Variants in TNFRSF1B observed in about 807,000 individuals in gnomAD.
TNFRSF1B encodes the protein tumor necrosis factor receptor superfamily member 1B.
In TNFRSF1B, 19 loss-of-function variants were observed where a neutral mutation model predicts 44.6. The observed-to-expected ratio is 0.43, with a 90% CI of 0.30 to 0.62. The LOEUF (loss-of-function observed/expected upper bound fraction) is 0.62, where lower values mean the gene tolerates loss of function less well. Among genes scored for constraint, TNFRSF1B ranks in the 20% least tolerant of loss-of-function variants. TNFRSF1B has a pLI of 0.16. For synonymous variants in TNFRSF1B, 252 were observed against 261.1 expected (o/e 0.97, Z 0.34); for missense variants, 541 against 619.9 (o/e 0.87, Z 1.35).
chr1:12,167,062 G>T lies in TNFRSF1B; in HGVS notation c.-30G>T. ...GCTGCGAGGGCGCGAGGGCGCGAGG[G>T]CAGGGGGCAACCGGACCCCGCCCGC... On this transcript the variant is annotated 5_prime_UTR_variant, in exon 1 of 10. Transcript: ENST00000376259. 7.8e-7 allele frequency: 1 copy of T among 1,281,712 alleles called. No homozygotes were observed. The highest frequency in any genetic ancestry group is 3.2e-5 in the East Asian group (1 of 31,102). 79.4% of individuals were successfully genotyped at this position (1,281,712 alleles called of 1,614,324 possible).
At chr1:12,175,129 C>T (rs893759203) in intron 1 of TNFRSF1B, among the ~76,000 whole-genome samples, 8 of 152,148 alleles carry the variant, frequency 5.3e-5, no homozygotes, top group African/African-American at 1.9e-4. Context: ...AGGACATCTT[C>T]CGAGCTGTCA....
In TNFRSF1B at chr1:12,194,638, T is replaced by C. The variant is rs372936982; in HGVS notation, c.900+20T>C. ...AAGGTGGTGAGTGTCTCCACTGCCC[T>C]CTCCCCCTCTTCCCCTGGTCTCCTT... On this transcript the variant is annotated intron_variant, in intron 8 of 9. Coordinates refer to ENST00000376259, the MANE Select transcript of TNFRSF1B (RefSeq NM_001066.3). 38 of 1,613,838 alleles carry C rather than the reference T, an allele frequency of 2.4e-5. No homozygotes were observed. In the East Asian group the frequency reaches 8.5e-4, roughly 36 times the overall value.
At position 12,177,921 on chromosome 1, in the gene TNFRSF1B, C is replaced by T. The variant is rs17885967; in HGVS notation, c.78+10752C>T. 0.03 allele frequency among the ~76,000 whole-genome samples: 4,595 copies of T among 152,278 alleles called. 66 individuals carry two copies. Among genetic ancestry groups the T allele is most frequent in the African/African-American group, 0.038 (1,584 of 41,536 alleles). The stretch of plus-strand genomic sequence containing the variant: ...CAGCTACCTGGGGGCAGGGGAACAT[C>T]ATCCCCATTTTACAGAAGAGGCCTT... On this transcript the variant is annotated intron_variant, in intron 1 of 9. Coordinates refer to ENST00000376259, the MANE Select transcript of TNFRSF1B (RefSeq NM_001066.3). The surrounding 1 kb of genome is among the most constrained non-coding windows in gnomAD (Gnocchi z 4.3).
rs1638522468 is a variant in TNFRSF1B at position 12,171,473 on chromosome 1, C to G, written c.78+4304C>G. 6.6e-6 allele frequency among the ~76,000 whole-genome samples: 1 copy of G among 152,228 alleles called. No homozygotes were observed. Among genetic ancestry groups the G allele is most frequent in the African/African-American group, 2.4e-5 (1 of 41,452 alleles). The stretch of plus-strand genomic sequence containing the variant: ...CTTCCTTCTGCTGAAGTAGACAATC[C>G]TGCCTGTAGGTGCTCCCTGCCAGGC... On this transcript the variant is annotated intron_variant, in intron 1 of 9. Coordinates refer to ENST00000376259, the MANE Select transcript of TNFRSF1B (RefSeq NM_001066.3). This position sits in a 1 kb window ranked among gnomAD's most constrained non-coding sequence, Gnocchi z 4.5.
At chr1:12,197,822 T>C (rs1639298297) in intron 8 of TNFRSF1B, among the ~76,000 whole-genome samples, 1 of 152,160 alleles carries the variant, frequency 6.6e-6, no homozygotes, top group Non-Finnish European at 1.5e-5. Context: ...GGCGTTCCTT[T>C]GTTTAGAAAA....
At position 12,180,719 on chromosome 1, in the gene TNFRSF1B, G is replaced by A. The variant is rs575013105; in HGVS notation, c.79-8077G>A. Among the ~76,000 whole-genome samples, 2 of 152,260 alleles carry A rather than the reference G, an allele frequency of 1.3e-5. No individual in the cohort carries two copies. Among genetic ancestry groups the A allele is most frequent in the African/African-American group, 4.8e-5 (2 of 41,548 alleles). Reference sequence around the variant, plus strand: ...AAGAGAGGGGACGGTGTGCAGGGAGGGTGGAACCTGACTGACCGGGTCAGC... The same window carrying A: ...AAGAGAGGGGACGGTGTGCAGGGAGAGTGGAACCTGACTGACCGGGTCAGC... On this transcript the variant is annotated intron_variant, in intron 1 of 9. Coordinates refer to ENST00000376259, the MANE Select transcript of TNFRSF1B (RefSeq NM_001066.3). The surrounding 1 kb of genome is among the most constrained non-coding windows in gnomAD (Gnocchi z 4.3).
Position 12,190,948 on chromosome 1 carries a change from T to A in TNFRSF1B, c.179-9T>A. On this transcript the variant is annotated splice_polypyrimidine_tract_variant and intron_variant, in intron 2 of 9. Transcript: ENST00000376259. ...GCCCAGCTGAGACCTCTGGCCCTTG[T>A]TTCCTCAGGCCAACATGCAAAAGTC... The A allele has an allele frequency of 6.2e-7, 1 of 1,613,006 alleles. No individual in the cohort carries two copies. Among genetic ancestry groups the A allele is most frequent in the Non-Finnish European group, 8.5e-7 (1 of 1,179,262 alleles).
chr1:12,208,331 C>A lies in TNFRSF1B; in HGVS notation c.*1311C>A, dbSNP rs17881461. Reference sequence around the variant, plus strand: ...CCCCCAGAGGGGTGGGTTCCTCTTCCCCACTCCCCACCTTCAATTCCTGGG... The same window carrying A: ...CCCCCAGAGGGGTGGGTTCCTCTTCACCACTCCCCACCTTCAATTCCTGGG... On this transcript the variant is annotated 3_prime_UTR_variant, in exon 10 of 10. Coordinates refer to ENST00000376259, the MANE Select transcript of TNFRSF1B (RefSeq NM_001066.3). 632 of 152,896 alleles carry A rather than the reference C, an allele frequency of 4.1e-3. 4 individuals carry two copies. Among genetic ancestry groups the A allele is most frequent in the Non-Finnish European group, 6.9e-3 (472 of 68,112 alleles). 9.5% of individuals were successfully genotyped at this position (152,896 alleles called of 1,614,324 possible).
chr1:12,182,068 G>A (rs564592523), intron 1 of TNFRSF1B, among the ~76,000 whole-genome samples: 1 of 152,222 alleles, frequency 6.6e-6, no homozygotes, highest in Non-Finnish European at 1.5e-5. Flanking sequence ...GATCTTTGGG[G>A]TAGGGGCGGG....
In TNFRSF1B at chr1:12,179,310, T is replaced by C. The variant is rs573724493; in HGVS notation, c.79-9486T>C. On this transcript the variant is annotated intron_variant, in intron 1 of 9. Transcript: ENST00000376259. Reference sequence around the variant, plus strand: ...TCCGTGACGGCAGACGGGCCTCCGCTGTCACTGGCCCTGGCGTTGCTGTGA... The same window carrying C: ...TCCGTGACGGCAGACGGGCCTCCGCCGTCACTGGCCCTGGCGTTGCTGTGA... Among the ~76,000 whole-genome samples the C allele has an allele frequency of 3.3e-5, 5 of 152,284 alleles. No homozygotes were observed. The East Asian group carries it at 5.8e-4, about 18-fold the overall frequency.
Position 12,202,130 on chromosome 1 carries a change from C to A in TNFRSF1B, c.1064C>A (p.Ala355Asp). 1 of 1,560,650 alleles carries A rather than the reference C, an allele frequency of 6.4e-7. No homozygotes were observed. Among genetic ancestry groups the A allele is most frequent in the Middle Eastern group, 1.7e-4 (1 of 5,858 alleles). ...CAGCCACAGGCACCAGGCGTGGAGG[C>A]CAGTGGGGCCGGGGAGGCCCGGGCC... ...RNQPQAPGVE[A>D]SGAGEARAST... The change falls in exon 9 of 10, where the codon GCC becomes GAC. Residue 355 changes from alanine to aspartate, a missense_variant. By Grantham distance (126) the Ala-to-Asp change is moderately radical. Coordinates refer to ENST00000376259, the MANE Select transcript of TNFRSF1B (RefSeq NM_001066.3).
chr1:12,172,430 T>G (rs577803225), intron 1 of TNFRSF1B, among the ~76,000 whole-genome samples: 1 of 152,340 alleles, frequency 6.6e-6, no homozygotes, highest in African/African-American at 2.4e-5. Context: ...GGATTAAAAG[T>G]GCTTTCTAAT....
At chr1:12,198,234 G>GTGTTGAAC (rs1379359707) in intron 8 of TNFRSF1B, among the ~76,000 whole-genome samples, 2 of 152,068 alleles carry the variant, frequency 1.3e-5, no homozygotes, top group Non-Finnish European at 1.5e-5. Flanking sequence ...CATTTATCGG[G>GTGTTGAAC]TGTTGAACGG....
At chr1:12,184,925 C>T (rs1638947109) in intron 1 of TNFRSF1B, among the ~76,000 whole-genome samples, 1 of 152,164 alleles carries the variant, frequency 6.6e-6, no homozygotes, top group Non-Finnish European at 1.5e-5. Context: ...GGAAGAGGTG[C>T]AGCCCCTGCC....
At chr1:12,167,264 G>T in intron 1 of TNFRSF1B, 95 bp downstream of exon 1, 2 of 973,082 alleles carry the variant, frequency 2.1e-6, no homozygotes, top group African/African-American at 3.4e-5. Flanking sequence ...CTCTCCCGGG[G>T]CGCTGTCACG....
chr1:12,177,388 G>C lies in TNFRSF1B; in HGVS notation c.78+10219G>C, dbSNP rs1489501219. Among the ~76,000 whole-genome samples the C allele has an allele frequency of 2.0e-5, 3 of 152,136 alleles. No individual in the cohort carries two copies. The highest frequency in any genetic ancestry group is 4.4e-5 in the Non-Finnish European group (3 of 68,024). Reference sequence around the variant, plus strand: ...CGGTCACAGGGCCAGCCCGGTCCTGGTCACCGCTGGCTGGTTACCCCGGCT... The same window carrying C: ...CGGTCACAGGGCCAGCCCGGTCCTGCTCACCGCTGGCTGGTTACCCCGGCT... On this transcript the variant is annotated intron_variant, in intron 1 of 9. Coordinates refer to ENST00000376259, the MANE Select transcript of TNFRSF1B (RefSeq NM_001066.3). This position sits in a 1 kb window ranked among gnomAD's most constrained non-coding sequence, Gnocchi z 4.3.
intron 4 of TNFRSF1B, 44 bp from the exon 5 acceptor site, chr1:12,192,387 G>A (rs200865554): frequency 5.6e-5 from 89 of 1,597,046 alleles, no homozygotes; most frequent in African/African-American, 1.6e-4. Flanking sequence ...CAGCTGTCCC[G>A]CAGAGTGTCT....
Position 12,186,114 on chromosome 1 carries a change from A to C in TNFRSF1B, c.79-2682A>C. On this transcript the variant is annotated intron_variant, in intron 1 of 9. Transcript: ENST00000376259. The surrounding 1 kb of genome is among the most constrained non-coding windows in gnomAD (Gnocchi z 4.8). ...GGTCAGAAGAGTGGCAGATTGCTCC[A>C]TGGCAGGAAGCCCCAGCTCCTCTGG... Among the ~76,000 whole-genome samples the C allele has an allele frequency of 6.6e-6, 1 of 152,186 alleles. No individual in the cohort carries two copies. Among genetic ancestry groups the C allele is most frequent in the East Asian group, 1.9e-4 (1 of 5,194 alleles).
At chr1:12,205,528 A>C (rs1639483068) in intron 9 of TNFRSF1B, among the ~76,000 whole-genome samples, 1 of 152,164 alleles carries the variant, frequency 6.6e-6, no homozygotes, top group Non-Finnish European at 1.5e-5. Context: ...GGACAGATGG[A>C]GGCTGTTCAC....
Sources: allele counts gnomAD v4.1 joint callset (sites outside exome capture counted in the v4.1 genomes callset), GRCh38; gene constraint gnomAD v4.1.1; non-coding constraint Gnocchi (gnomAD v3.1); transcripts MANE v1.5; gene names NCBI Gene and HGNC (gene_info 2026-07-23, HGNC 2026-07-21).